Variants in PPP2R3A observed in about 807,000 individuals in gnomAD.
PPP2R3A encodes the protein protein phosphatase 2 regulatory subunit B''alpha.
In PPP2R3A, 80 loss-of-function variants were observed where a neutral mutation model predicts 106.9. The ratio of observed to expected loss-of-function variants is 0.75; its 90% confidence interval spans 0.62 to 0.90. The LOEUF (loss-of-function observed/expected upper bound fraction) is 0.90. Ranked by LOEUF, PPP2R3A falls within the 40% of genes least tolerant of loss-of-function variation. PPP2R3A has a pLI of 0.00. For synonymous variants in PPP2R3A, 483 were observed against 468.3 expected, an observed-to-expected ratio of 1.03 and a Z score of -0.41; for missense variants, 1,386 against 1,350.4, an observed-to-expected ratio of 1.03 and a Z score of -0.41.
At chr3:136,079,088 A>T (rs1936693888) in intron 7 of PPP2R3A, 2 of 404,136 alleles carry the variant, frequency 4.9e-6, no homozygotes, top group Non-Finnish European at 9.9e-6. Flanking sequence ...TACTAAATGG[A>T]ATTTAGGCTA....
intron 13 of PPP2R3A, among the ~76,000 whole-genome samples, chr3:136,131,241 G>A (rs953155648): frequency 6.6e-6 from 1 of 152,060 alleles, no homozygotes; most frequent in Non-Finnish European, 1.5e-5. Flanking sequence ...CCTACAGAAT[G>A]GGAGAAAATT....
At chr3:136,101,810 G>C (rs1451362209) in intron 10 of PPP2R3A, among the ~76,000 whole-genome samples, 197 bp from the exon 11 acceptor site, 3 of 152,074 alleles carry the variant, frequency 2.0e-5, no homozygotes, top group Non-Finnish European at 2.9e-5. Flanking sequence ...AGCAAAATGG[G>C]GTTGAACACG....
chr3:136,085,864 A>G (rs1287176187), intron 8 of PPP2R3A, among the ~76,000 whole-genome samples: 1 of 151,764 alleles, frequency 6.6e-6, no homozygotes, highest in Non-Finnish European at 1.5e-5. Flanking sequence ...AAGCGAGTGG[A>G]TCACTTGAAC....
At chr3:136,016,092 G>A (rs755063806) in intron 2 of PPP2R3A, among the ~76,000 whole-genome samples, 3 of 152,084 alleles carry the variant, frequency 2.0e-5, no homozygotes, top group Non-Finnish European at 4.4e-5. Context: ...TCATTCAGAA[G>A]CAGATTATTT....
intron 8 of PPP2R3A, 40 bp downstream of exon 8, chr3:136,082,461 A>G (rs748879813): frequency 2.5e-6 from 4 of 1,585,220 alleles, no homozygotes; most frequent in Non-Finnish European, 3.5e-6. Context: ...ACCATTTTAA[A>G]GAGTTATATA....
chr3:136,023,275 T>G, intron 2 of PPP2R3A: 1 of 1,286,264 alleles, frequency 7.8e-7, no homozygotes, highest in Non-Finnish European at 1.1e-6. Context: ...AATAAAACCA[T>G]CCAGTGAACT....
At chr3:135,996,530 T>C (rs918528904) in intron 1 of PPP2R3A, among the ~76,000 whole-genome samples, 3 of 152,266 alleles carry the variant, frequency 2.0e-5, no homozygotes, top group African/African-American at 7.2e-5. Flanking sequence ...TTAAAGCTTA[T>C]TGCACAAACA....
Position 136,026,915 on chromosome 3 carries a change from G to T in PPP2R3A, c.2079G>T (p.Pro693=), listed in dbSNP as rs145391296. ...CAAGTAGTCCCCGACCTCTCTCCCC[G>T]GTTCCCCATGTGAATAATGTTGTGA... is the stretch of plus-strand genomic sequence containing the variant. The part of the protein sequence containing the change: ...TSPSSPRPLS[P]VPHVNNVVNA... The change falls in exon 3 of 14, where the codon CCG becomes CCT. Residue 693 remains proline (P), a synonymous_variant. Transcript: ENST00000264977. 5 of 1,613,050 alleles carry T rather than the reference G, an allele frequency of 3.1e-6. No homozygotes were observed. Among genetic ancestry groups the T allele is most frequent in the Non-Finnish European group, 3.4e-6 (4 of 1,179,344 alleles).
chr3:136,141,391 G>A (rs571695372), intron 13 of PPP2R3A, among the ~76,000 whole-genome samples: 2 of 152,302 alleles, frequency 1.3e-5, no homozygotes, highest in East Asian at 1.9e-4. Flanking sequence ...AGAGGGAGAT[G>A]TGGTTACAAA....
intron 3 of PPP2R3A, 38 bp from the exon 4 acceptor site, chr3:136,040,821 C>G: frequency 1.3e-6 from 2 of 1,511,764 alleles, no homozygotes; most frequent in Non-Finnish European, 1.8e-6. Context: ...TCTCTTCATT[C>G]CCTGTTGGCT....
At chr3:135,995,314 TATCTC>T (rs1255826833) in intron 1 of PPP2R3A, among the ~76,000 whole-genome samples, 1 of 152,214 alleles carries the variant, frequency 6.6e-6, no homozygotes, top group Non-Finnish European at 1.5e-5. Flanking sequence ...TCTCATATTT[TATCTC>T]ATCTAAGATT....
At chr3:136,030,685 A>G (rs1934838894) in intron 3 of PPP2R3A, among the ~76,000 whole-genome samples, 1 of 151,576 alleles carries the variant, frequency 6.6e-6, no homozygotes, top group African/African-American at 2.4e-5. Context: ...TTCACATGGA[A>G]TAGTCTCCAA....
intron 2 of PPP2R3A, among the ~76,000 whole-genome samples, chr3:136,015,143 A>G (rs113932167): frequency 0.012 from 1,881 of 152,116 alleles, 31 homozygotes; most frequent in African/African-American, 0.038. Flanking sequence ...ACTTGTGTAT[A>G]TTAAGTAATC....
chr3:136,142,688 G>C (rs1217638148), intron 13 of PPP2R3A, among the ~76,000 whole-genome samples: 4 of 152,100 alleles, frequency 2.6e-5, no homozygotes, highest in Non-Finnish European at 5.9e-5. Context: ...GTGAGGAGAG[G>C]GCTGATTCAG....
chr3:136,028,731 A>G (rs1296429937), intron 3 of PPP2R3A, among the ~76,000 whole-genome samples: 3 of 152,268 alleles, frequency 2.0e-5, no homozygotes, highest in Non-Finnish European at 4.4e-5. Context: ...GGCTGGAACT[A>G]TGGCTGTAAA....
chr3:136,144,468 C>T (rs1055591858), intron 13 of PPP2R3A, among the ~76,000 whole-genome samples: 1 of 152,158 alleles, frequency 6.6e-6, no homozygotes, highest in African/African-American at 2.4e-5. Context: ...CCAGACCAGC[C>T]TGGCCAACAT....
At chr3:135,967,888 C>T (rs1271175789) in intron 1 of PPP2R3A, among the ~76,000 whole-genome samples, 1 of 152,132 alleles carries the variant, frequency 6.6e-6, no homozygotes, top group Non-Finnish European at 1.5e-5. Context: ...TCATGTGCAG[C>T]GTAGGATGTT....
At position 136,026,908 on chromosome 3, in the gene PPP2R3A, T is replaced by G. The variant is rs757543634; in HGVS notation, c.2072T>G (p.Leu691Arg). 1.2e-6 allele frequency: 2 copies of G among 1,613,060 alleles called. No homozygotes were observed. Among genetic ancestry groups the G allele is most frequent in the Non-Finnish European group, 1.7e-6 (2 of 1,179,128 alleles). Residue 691 changes from leucine to arginine, a missense_variant, in exon 3 of 14, where the codon CTC becomes CGC. Physicochemically the swap from Leu to Arg is moderately radical, Grantham distance 102. Transcript: ENST00000264977. ...ACCTCTCCAAGTAGTCCCCGACCTC[T>G]CTCCCCGGTTCCCCATGTGAATAAT... is the stretch of plus-strand genomic sequence containing the variant. The part of the protein sequence containing the change: ...PATSPSSPRP[L>R]SPVPHVNNVV...
In PPP2R3A at chr3:135,992,464, T is replaced by A. The variant is rs7623149; in HGVS notation, c.-440-8595T>A. Among the ~76,000 whole-genome samples the A allele has an allele frequency of 3.4e-3, 524 of 152,294 alleles. 4 individuals are homozygous for A. Among genetic ancestry groups the A allele is most frequent in the African/African-American group, 0.012 (486 of 41,556 alleles). ...CCCTTTCATCAGCTGAGATAAGCAG[T>A]GGAATTTCTTTACCTCATACTCTGC... On this transcript the variant is annotated intron_variant, in intron 1 of 13. Coordinates refer to ENST00000264977, the MANE Select transcript of PPP2R3A (RefSeq NM_002718.5).
Sources: allele counts gnomAD v4.1 joint callset (sites outside exome capture counted in the v4.1 genomes callset), GRCh38; gene constraint gnomAD v4.1.1; transcripts MANE v1.5; gene names NCBI Gene and HGNC (gene_info 2026-07-23, HGNC 2026-07-21).